DPF3: variants seen among roughly 807,000 people sequenced by gnomAD.
The protein encoded by DPF3 is zinc finger protein DPF3.
A neutral mutation model predicts 56.8 loss-of-function variants in DPF3; 18 were observed. The ratio of observed to expected loss-of-function variants is 0.32; its 90% CI spans 0.22 to 0.47. The LOEUF is 0.47. DPF3 is among the 20% of genes least tolerant of loss of function. The probability of loss-of-function intolerance (pLI) is 1.00; values close to 1 mark genes in which losing one functional copy is unlikely to be tolerated. For missense variants in DPF3, 403 were observed against 488.8 expected (o/e 0.82, Z 1.65); for synonymous variants, 188 against 180.2 (o/e 1.04, Z -0.35).
At chr14:72,703,104 A>G (rs2153574334) in intron 6 of DPF3, among the ~76,000 whole-genome samples, 1 of 152,260 alleles carries the variant, frequency 6.6e-6, no homozygotes, top group East Asian at 1.9e-4. Context: ...TGAAGCTATT[A>G]TCTCCTCAAC....
chr14:72,708,709 C>A (rs769703145), intron 6 of DPF3, among the ~76,000 whole-genome samples: 1 of 152,194 alleles, frequency 6.6e-6, no homozygotes, highest in Non-Finnish European at 1.5e-5. Flanking sequence ...TCTGGGACTG[C>A]CTTGGGCTCA....
intron 1 of DPF3, among the ~76,000 whole-genome samples, chr14:72,835,564 C>T (rs559048943): frequency 9.2e-5 from 14 of 152,330 alleles, no homozygotes; most frequent in African/African-American, 3.4e-4. Flanking sequence ...GAAGCAGTTT[C>T]TCCAGCTTGC....
chr14:72,769,745 G>T (rs2139939759), intron 2 of DPF3, among the ~76,000 whole-genome samples: 1 of 148,906 alleles, frequency 6.7e-6, no homozygotes, highest in South Asian at 2.1e-4. Context: ...GATGAGGCAA[G>T]ATAAGCCTCA....
At chr14:72,884,940 C>CCATATATA (rs1555516728) in intron 1 of DPF3, among the ~76,000 whole-genome samples, 1 of 29,602 alleles carries the variant, frequency 3.4e-5, no homozygotes, top group South Asian at 1.5e-3. Flanking sequence ...ACTAAAAATA[C>CCATATATA]TATATATATA....
intron 1 of DPF3, among the ~76,000 whole-genome samples, chr14:72,815,497 A>G (rs1883245866): frequency 6.6e-6 from 1 of 152,272 alleles, no homozygotes; most frequent in Non-Finnish European, 1.5e-5. Flanking sequence ...AGAAATAAAA[A>G]CATATGTCTA....
At chr14:72,846,072 T>C (rs1884737926) in intron 1 of DPF3, among the ~76,000 whole-genome samples, 1 of 132,482 alleles carries the variant, frequency 7.5e-6, no homozygotes, top group South Asian at 2.4e-4. Context: ...GAGTTTTTAT[T>C]TTACTGTTTA....
intron 1 of DPF3, among the ~76,000 whole-genome samples, chr14:72,855,050 G>C (rs1263473422): frequency 6.6e-6 from 1 of 152,186 alleles, no homozygotes; most frequent in Non-Finnish European, 1.5e-5. Context: ...CATAGGACTT[G>C]AAAGAAAGAA....
At chr14:72,892,790 G>A in intron 1 of DPF3, 1 of 729,440 alleles carries the variant, frequency 1.4e-6, no homozygotes, top group Non-Finnish European at 1.7e-6. Context: ...GGTCGAAGGG[G>A]TGAGGACCCC....
At chr14:72,746,910 G>A (rs1890349990) in intron 3 of DPF3, among the ~76,000 whole-genome samples, 1 of 152,244 alleles carries the variant, frequency 6.6e-6, no homozygotes, top group Non-Finnish European at 1.5e-5. Flanking sequence ...ACATGTTACG[G>A]CAGGCCCGAC....
chr14:72,841,659 C>T (rs557987697), intron 1 of DPF3, among the ~76,000 whole-genome samples: 1 of 152,212 alleles, frequency 6.6e-6, no homozygotes, highest in South Asian at 2.1e-4. Flanking sequence ...CTTTCAAGAG[C>T]CTCTCTGAAA....
intron 2 of DPF3, among the ~76,000 whole-genome samples, chr14:72,753,972 G>A (rs968275908): frequency 1.3e-5 from 2 of 151,392 alleles, no homozygotes; most frequent in African/African-American, 4.9e-5. Context: ...TGCAGAGCCC[G>A]CACACCTCTA....
intron 1 of DPF3, among the ~76,000 whole-genome samples, chr14:72,801,199 G>C (rs992386941): frequency 9.9e-5 from 15 of 152,228 alleles, no homozygotes; most frequent in African/African-American, 3.6e-4. Context: ...AACAGAAGAA[G>C]CTACAGAGGA....
intron 9 of DPF3, among the ~76,000 whole-genome samples, chr14:72,624,119 C>A (rs1884649485): frequency 6.6e-6 from 1 of 152,018 alleles, no homozygotes; most frequent in African/African-American, 2.4e-5. Context: ...GCTAGAGAAA[C>A]ATCACACTAT....
At chr14:72,631,268 G>A (rs1046635643) in intron 8 of DPF3, among the ~76,000 whole-genome samples, 3 of 152,096 alleles carry the variant, frequency 2.0e-5, no homozygotes, top group Admixed American at 6.5e-5. Flanking sequence ...AGAGACTTCC[G>A]CAGCTCTGAA....
At chr14:72,757,812 T>C (rs1890898925) in intron 2 of DPF3, among the ~76,000 whole-genome samples, 2 of 152,186 alleles carry the variant, frequency 1.3e-5, no homozygotes, top group East Asian at 1.9e-4. Flanking sequence ...TCTGGGGTCC[T>C]AGAACCAATT....
chr14:72,748,699 T>C (rs1599406450), intron 3 of DPF3, among the ~76,000 whole-genome samples: 1 of 152,202 alleles, frequency 6.6e-6, no homozygotes, highest in East Asian at 1.9e-4. Context: ...GCCTAGGGAC[T>C]TGGTGTCCTG....
At chr14:72,645,344 G>C (rs963586505) in intron 8 of DPF3, among the ~76,000 whole-genome samples, 23 of 150,746 alleles carry the variant, frequency 1.5e-4, no homozygotes, top group Non-Finnish European at 4.4e-5. Context: ...ACCCAGGCTA[G>C]ACTAGAGTGC....
At chr14:72,673,936 G>A in intron 8 of DPF3, 1 of 315,486 alleles carries the variant, frequency 3.2e-6, no homozygotes, top group Non-Finnish European at 5.8e-6. Flanking sequence ...CTTCTCTCCA[G>A]GTTTTTCCAC....
At chr14:72,803,783 C>G (rs571943525) in intron 1 of DPF3, among the ~76,000 whole-genome samples, 1 of 152,296 alleles carries the variant, frequency 6.6e-6, no homozygotes, top group Admixed American at 6.5e-5. Flanking sequence ...CCTACATTCT[C>G]CAATATGTCC....
Sources: allele counts gnomAD v4.1 joint callset (sites outside exome capture counted in the v4.1 genomes callset), GRCh38; gene constraint gnomAD v4.1.1; transcripts MANE v1.5; gene names NCBI Gene and HGNC (gene_info 2026-07-23, HGNC 2026-07-21).